Variants in TLL1 observed in about 807,000 individuals in gnomAD.
The protein encoded by TLL1 is tolloid-like protein 1.
Under a neutral mutation model 128.2 loss-of-function variants are expected in TLL1, and 49 were observed. The observed-to-expected ratio is 0.38, with a 90% CI of 0.30 to 0.48. The LOEUF is 0.48. Among genes scored for constraint, TLL1 ranks in the 20% least tolerant of loss-of-function variants. The pLI is 0.96. For synonymous variants in TLL1, 454 were observed against 418.8 expected (o/e 1.08, Z -1.03); for missense variants, 1,123 against 1,242.0 (o/e 0.90, Z 1.44).
intron 18 of TLL1, among the ~76,000 whole-genome samples, chr4:166,085,543 T>C (rs935921345): frequency 6.6e-6 from 1 of 152,056 alleles, no homozygotes; most frequent in Non-Finnish European, 1.5e-5. Flanking sequence ...GATCAGATCA[T>C]TTTTGTCCTT....
At chr4:165,924,744 T>C (rs1733192115) in intron 1 of TLL1, among the ~76,000 whole-genome samples, 2 of 152,288 alleles carry the variant, frequency 1.3e-5, no homozygotes, top group East Asian at 1.9e-4. Flanking sequence ...AGGACTTTCA[T>C]AGTTAGAGAG....
intron 1 of TLL1, among the ~76,000 whole-genome samples, chr4:165,984,055 A>G (rs59358087): frequency 0.018 from 2,741 of 151,986 alleles, 92 homozygotes; most frequent in African/African-American, 0.062. Flanking sequence ...AATGTTTTAA[A>G]TAAAACATTG....
At chr4:165,998,520 G>A (rs1736991018) in intron 5 of TLL1, among the ~76,000 whole-genome samples, 1 of 152,064 alleles carries the variant, frequency 6.6e-6, no homozygotes, top group Admixed American at 6.6e-5. Context: ...TGAGCCGGAC[G>A]CGGTGGCTCA....
At position 166,025,350 on chromosome 4, in the gene TLL1, C is replaced by T. The variant is rs563293641; in HGVS notation, c.1077C>T (p.Asn359=). Residue 359 remains asparagine, a synonymous_variant, in exon 9 of 21, where the codon AAC becomes AAT. Transcript: ENST00000061240. ...AAACTCTACAAGAATCCAATGGCAA[C>T]CTTTCCTCTCCAGGATTTCCCAATG... is the stretch of plus-strand genomic sequence containing the variant. The part of the protein sequence containing the change: ...CGETLQESNG[N]LSSPGFPNGY... The T allele has an allele frequency of 8.5e-5, 137 of 1,613,790 alleles. No individual in the cohort carries two copies. Among genetic ancestry groups the T allele is most frequent in the Non-Finnish European group, 1.2e-4 (136 of 1,179,906 alleles).
intron 15 of TLL1, 136 bp from the exon 16 acceptor site, chr4:166,065,547 T>C (rs959968325): frequency 4.6e-6 from 4 of 864,744 alleles, no homozygotes; most frequent in Non-Finnish European, 7.3e-6. Flanking sequence ...TCTGACCTGA[T>C]TTTTTTCCTT....
intron 1 of TLL1, among the ~76,000 whole-genome samples, chr4:165,984,684 C>T (rs1322045225): frequency 6.6e-6 from 1 of 151,922 alleles, no homozygotes; most frequent in Non-Finnish European, 1.5e-5. Context: ...CTTCCAATCC[C>T]ATAAATCTCA....
intron 7 of TLL1, among the ~76,000 whole-genome samples, chr4:166,013,443 T>A (rs1737793918): frequency 6.6e-6 from 1 of 151,836 alleles, no homozygotes; most frequent in African/African-American, 2.4e-5. Context: ...ATGCATTAAA[T>A]TCATTTATAA....
At chr4:165,951,533 A>G (rs1456042493) in intron 1 of TLL1, among the ~76,000 whole-genome samples, 1 of 152,178 alleles carries the variant, frequency 6.6e-6, no homozygotes, top group African/African-American at 2.4e-5. Context: ...GCTACATTCA[A>G]GAAGGTCTAG....
chr4:166,074,726 GATC>G (rs1740942958), intron 16 of TLL1, 149 bp from the exon 17 acceptor site: 3 of 898,324 alleles, frequency 3.3e-6, no homozygotes, highest in Non-Finnish European at 5.2e-6. Context: ...AAAACTAAGA[GATC>G]ATACATTTTT....
intron 15 of TLL1, among the ~76,000 whole-genome samples, 188 bp downstream of exon 15, chr4:166,060,376 G>A (rs1266852701): frequency 6.6e-6 from 1 of 151,852 alleles, no homozygotes; most frequent in African/African-American, 2.4e-5. Context: ...GACTCTTTCT[G>A]GAAGATTGAA....
At position 166,060,034 on chromosome 4, in the gene TLL1, G is replaced by A; in HGVS notation, c.1853G>A (p.Cys618Tyr). The A allele has an allele frequency of 6.2e-7, 1 of 1,613,614 alleles. No homozygotes were observed. Among genetic ancestry groups the A allele is most frequent in the Non-Finnish European group, 8.5e-7 (1 of 1,179,816 alleles). The change falls in exon 15 of 21, where the codon TGT (cysteine) becomes TAT (tyrosine). Residue 618 changes from cysteine (C) to tyrosine (Y), a missense_variant. Cys to Tyr is a radical substitution (Grantham distance 194). Transcript: ENST00000061240. Reference sequence around the variant, plus strand: ...TTCTTTTCTTTTCTTCTAGCTGCTTGTGGTGGACTTCTTACCAAACTTAAC... The same window carrying A: ...TTCTTTTCTTTTCTTCTAGCTGCTTATGGTGGACTTCTTACCAAACTTAAC... ...GPDRRSCEAA[C>Y]GGLLTKLNGT...
rs913558273 is a variant in TLL1 at position 166,102,480 on chromosome 4, C to G, written c.*1604C>G. ...ACTAGAATTCCATTTGAAATAGCAC[C>G]TTCCTTAGGTTTCATGGACAAATAA... On this transcript the variant is annotated 3_prime_UTR_variant, in exon 21 of 21. Coordinates refer to ENST00000061240, the MANE Select transcript of TLL1 (RefSeq NM_012464.5). 3 of 152,156 alleles carry G rather than the reference C, an allele frequency of 2.0e-5. No individual in the cohort carries two copies. Among genetic ancestry groups the G allele is most frequent in the African/African-American group, 7.3e-5 (3 of 41,340 alleles). 9.4% of individuals were successfully genotyped at this position (152,156 alleles called of 1,614,324 possible).
At chr4:165,880,644 A>G (rs567613621) in intron 1 of TLL1, among the ~76,000 whole-genome samples, 8 of 152,330 alleles carry the variant, frequency 5.3e-5, no homozygotes, top group African/African-American at 1.7e-4. Context: ...CCATTTTACA[A>G]GTCAGGGGAG....
intron 19 of TLL1, among the ~76,000 whole-genome samples, chr4:166,094,812 C>G (rs1043865996): frequency 2.0e-5 from 3 of 151,922 alleles, no homozygotes; most frequent in African/African-American, 4.8e-5. Context: ...GCTTTTATTT[C>G]TCCTCAAAAT....
intron 18 of TLL1, among the ~76,000 whole-genome samples, chr4:166,086,875 T>A (rs1741540416): frequency 6.6e-6 from 1 of 152,146 alleles, no homozygotes; most frequent in Non-Finnish European, 1.5e-5. Flanking sequence ...AAAAAACACA[T>A]TTGCTTTGTT....
rs73863503 is a variant in TLL1 at position 165,963,377 on chromosome 4, T to C, written c.170-26004T>C. 5.2e-3 allele frequency among the ~76,000 whole-genome samples: 793 copies of C among 152,272 alleles called. 12 individuals are homozygous for C. The highest frequency in any genetic ancestry group is 0.018 in the African/African-American group (738 of 41,560). ...ACTGTTGAGTTGGAGAATCTAGGTT[T>C]TTAAGATTCCATATTCTTGAACAAA... is the stretch of plus-strand genomic sequence containing the variant. On this transcript the variant is annotated intron_variant, in intron 1 of 20. Transcript: ENST00000061240.
intron 7 of TLL1, among the ~76,000 whole-genome samples, chr4:166,008,250 A>G (rs1737529376): frequency 6.6e-6 from 1 of 151,520 alleles, no homozygotes; most frequent in Non-Finnish European, 1.5e-5. Flanking sequence ...TAAATTCTCT[A>G]CCAAATATAT....
chr4:166,085,212 G>A (rs1741450913), intron 18 of TLL1, among the ~76,000 whole-genome samples: 1 of 147,608 alleles, frequency 6.8e-6, no homozygotes, highest in Admixed American at 6.8e-5. Context: ...GCATGAGATT[G>A]TGTCTTCTGC....
intron 1 of TLL1, among the ~76,000 whole-genome samples, chr4:165,967,689 G>A (rs2056056725): frequency 6.6e-6 from 1 of 152,150 alleles, no homozygotes; most frequent in Non-Finnish European, 1.5e-5. Context: ...CAGCTCAGAG[G>A]TGGTGAGAGC....
Sources: allele counts gnomAD v4.1 joint callset (sites outside exome capture counted in the v4.1 genomes callset), GRCh38; gene constraint gnomAD v4.1.1; transcripts MANE v1.5; gene names NCBI Gene and HGNC (gene_info 2026-07-23, HGNC 2026-07-21).